BASP1: variants seen among roughly 807,000 people sequenced by gnomAD.
BASP1 encodes brain abundant membrane attached signal protein 1.
BASP1 carries 1 observed loss-of-function variant against 2.2 expected under a neutral mutation model. The ratio of observed to expected loss-of-function variants is 0.46; its 90% confidence interval spans 0.16 to 2.17. The LOEUF is 2.17. Ranked by LOEUF, BASP1 falls within the 30% of genes most tolerant of loss-of-function variation. BASP1 has a pLI of 0.27. For synonymous variants in BASP1, 187 were observed against 154.2 expected (o/e 1.21, Z -1.58); for missense variants, 352 against 327.2 (o/e 1.08, Z -0.58).
rs1165328841 is a variant in BASP1 at position 17,275,158 on chromosome 5, C to T, written c.-9-50C>T. On this transcript the variant is annotated intron_variant, in intron 1 of 1. Transcript: ENST00000322611. This position sits in a 1 kb window ranked among gnomAD's most constrained non-coding sequence, Gnocchi z 5.3. The stretch of plus-strand genomic sequence containing the variant: ...GCAAAATGCAGCTTTTTGTGGTCCC[C>T]ACACTTGCCTAGTAACCGCCGTTTT... The T allele has an allele frequency of 5.0e-6, 8 of 1,589,060 alleles. No individual in the cohort carries two copies. The African/African-American group carries it at 8.1e-5, about 16-fold the overall frequency.
At position 17,275,609 on chromosome 5, in the gene BASP1, G is replaced by C; in HGVS notation, c.393G>C (p.Glu131Asp). 1 of 1,430,932 alleles carries C rather than the reference G, an allele frequency of 7.0e-7. No individual in the cohort carries two copies. The highest frequency in any genetic ancestry group is 9.1e-7 in the Non-Finnish European group (1 of 1,095,564). 88.6% of individuals were successfully genotyped at this position (1,430,932 alleles called of 1,614,324 possible). ...KAAEAAAAPA[E>D]SAAPAAGEEP... ...CTGAGGCCGCCGCGGCCCCGGCCGA[G>C]AGCGCGGCCCCTGCCGCCGGGGAGG... The change falls in exon 2 of 2, where the codon GAG becomes GAC. Residue 131 changes from glutamate to aspartate, a missense_variant. Physicochemically the swap from Glu to Asp is conservative, Grantham distance 45. Coordinates refer to ENST00000322611, the MANE Select transcript of BASP1 (RefSeq NM_006317.5). The surrounding 1 kb of genome is among the most constrained non-coding windows in gnomAD (Gnocchi z 5.3).
intron 1 of BASP1, among the ~76,000 whole-genome samples, chr5:17,250,960 G>A (rs1356403428): frequency 6.6e-6 from 1 of 152,186 alleles, no homozygotes; most frequent in East Asian, 1.9e-4. Context: ...CGATCTACAC[G>A]CTGTTAGATT....
rs1390250264 is a variant in BASP1, at chr5:17,275,408, C to T, written c.192C>T (p.Gly64=). ...GKEKPDQDAE[G]KAEEKEGEKD... is the part of the protein sequence containing the mutation. ...AGAAGCCCGACCAGGACGCCGAGGG[C>T]AAGGCCGAGGAGAAGGAGGGCGAGA... The change falls in exon 2 of 2, where the codon GGC becomes GGT. Residue 64 remains glycine (G), a synonymous_variant. Transcript: ENST00000322611. This position sits in a 1 kb window ranked among gnomAD's most constrained non-coding sequence, Gnocchi z 5.3. 3 of 1,567,028 alleles carry T rather than the reference C, an allele frequency of 1.9e-6. No homozygotes were observed. Among genetic ancestry groups the T allele is most frequent in the Non-Finnish European group, 2.6e-6 (3 of 1,157,982 alleles).
chr5:17,265,390 G>T (rs1459410953), intron 1 of BASP1, among the ~76,000 whole-genome samples: 1 of 152,204 alleles, frequency 6.6e-6, no homozygotes, highest in Non-Finnish European at 1.5e-5. Flanking sequence ...CACAAATGGT[G>T]AGCCTCTGCA....
chr5:17,243,511 C>T (rs1377824345), intron 1 of BASP1, among the ~76,000 whole-genome samples: 2 of 152,150 alleles, frequency 1.3e-5, no homozygotes, highest in Admixed American at 1.3e-4. Flanking sequence ...TTGATGTCTG[C>T]CTCTTGCTAT....
chr5:17,275,596 C>T lies in BASP1; in HGVS notation c.380C>T (p.Ala127Val), dbSNP rs1033095492. ...GEAPKAAEAA[A>V]APAESAAPAA... ...GCCCCCAAAGCTGCTGAGGCCGCCG[C>T]GGCCCCGGCCGAGAGCGCGGCCCCT... Residue 127 changes from alanine to valine, a missense_variant, in exon 2 of 2, where the codon GCG becomes GTG. Transcript: ENST00000322611. The surrounding 1 kb of genome is among the most constrained non-coding windows in gnomAD (Gnocchi z 5.3). The T allele has an allele frequency of 4.3e-6, 6 of 1,411,036 alleles. No homozygotes were observed. The highest frequency in any genetic ancestry group is 1.5e-5 in the African/African-American group (1 of 65,450). 87.4% of individuals were successfully genotyped at this position (1,411,036 alleles called of 1,614,324 possible).
chr5:17,268,795 G>T (rs899913132), intron 1 of BASP1, among the ~76,000 whole-genome samples: 2 of 152,150 alleles, frequency 1.3e-5, no homozygotes, highest in African/African-American at 4.8e-5. Context: ...CTCTCCCAAA[G>T]AAATTTTCAT....
chr5:17,249,336 G>A (rs768997926), intron 1 of BASP1, among the ~76,000 whole-genome samples: 1 of 152,286 alleles, frequency 6.6e-6, no homozygotes, highest in East Asian at 1.9e-4. Context: ...GGGGATGCCT[G>A]TAGCAGCAAG....
intron 1 of BASP1, among the ~76,000 whole-genome samples, chr5:17,245,305 C>G (rs1211084964): frequency 6.2e-5 from 4 of 64,332 alleles, no homozygotes; most frequent in Non-Finnish European, 1.6e-4. Context: ...GAGACTCCGT[C>G]TCAAAAAAAA....
chr5:17,275,801 C>G lies in BASP1; in HGVS notation c.585C>G (p.Ser195=). 6.2e-7 allele frequency: 1 copy of G among 1,612,936 alleles called. No individual in the cohort carries two copies. ...CCGCAGCCACGGAAGCGCCTAGTTC[C>G]ACACCCAAGGCCCAGGGCCCCGCAG... ...ETPAATEAPS[S]TPKAQGPAAS... Residue 195 remains serine (S), a synonymous_variant, in exon 2 of 2, where the codon TCC becomes TCG. Coordinates refer to ENST00000322611, the MANE Select transcript of BASP1 (RefSeq NM_006317.5). This position sits in a 1 kb window ranked among gnomAD's most constrained non-coding sequence, Gnocchi z 5.3.
In BASP1 at chr5:17,273,924, T is replaced by A. The variant is rs1426096144; in HGVS notation, c.-9-1284T>A. On this transcript the variant is annotated intron_variant, in intron 1 of 1. Coordinates refer to ENST00000322611, the MANE Select transcript of BASP1 (RefSeq NM_006317.5). ...AACCATTTTCTTTGCAAAAGCAACA[T>A]TTCAGTGGATTTTCACTGATGTGTG... is the stretch of plus-strand genomic sequence containing the variant. Among the ~76,000 whole-genome samples the A allele has an allele frequency of 3.3e-5, 5 of 152,208 alleles. No individual in the cohort carries two copies. The East Asian group carries it at 9.6e-4, about 29-fold the overall frequency.
intron 1 of BASP1, among the ~76,000 whole-genome samples, chr5:17,265,978 C>T (rs1461554780): frequency 6.6e-6 from 1 of 152,156 alleles, no homozygotes; most frequent in Non-Finnish European, 1.5e-5. Flanking sequence ...CTATTAAGGA[C>T]ATAATAAGTC....
chr5:17,275,838 G>A lies in BASP1; in HGVS notation c.622G>A (p.Glu208Lys). ...CCAGGGCCCCGCAGCCTCTGCAGAA[G>A]AGCCCAAGCCGGTGGAGGCCCCGGC... ...KAQGPAASAE[E>K]PKPVEAPAAN... Residue 208 changes from glutamate to lysine, a missense_variant, in exon 2 of 2, where the codon GAG becomes AAG. Glu to Lys is a moderately conservative substitution (Grantham distance 56). Transcript: ENST00000322611. The surrounding 1 kb of genome is among the most constrained non-coding windows in gnomAD (Gnocchi z 5.3). The A allele has an allele frequency of 6.2e-7, 1 of 1,610,698 alleles. No individual in the cohort carries two copies.
At chr5:17,220,167 A>C (rs1739369555) in intron 1 of BASP1, among the ~76,000 whole-genome samples, 1 of 152,092 alleles carries the variant, frequency 6.6e-6, no homozygotes, top group South Asian at 2.1e-4. Flanking sequence ...AATGGAAATC[A>C]TCTCTTTTGT....
In BASP1 at chr5:17,236,167, ACCTTGGGGG is replaced by A. The variant is rs1739740726; in HGVS notation, c.-10+18358_-10+18366del. Among the ~76,000 whole-genome samples the A allele has an allele frequency of 1.3e-5, 2 of 152,160 alleles. No homozygotes were observed. The highest frequency in any genetic ancestry group is 4.1e-4 in the South Asian group (2 of 4,836). Reference sequence around the variant, plus strand: ...TGCGTTTAGTCTTTAAGACTATTCTACCTTGGGGGAGAAAAGCAAAAATGATTTCTTATT... The same window carrying A: ...TGCGTTTAGTCTTTAAGACTATTCTAAGAAAAGCAAAAATGATTTCTTATT... On this transcript the variant is annotated intron_variant, in intron 1 of 1. Coordinates refer to ENST00000322611, the MANE Select transcript of BASP1 (RefSeq NM_006317.5). This position sits in a 1 kb window ranked among gnomAD's most constrained non-coding sequence, Gnocchi z 4.0.
Position 17,236,029 on chromosome 5 carries a change from C to CT in BASP1, c.-10+18229dup, listed in dbSNP as rs896694475. Among the ~76,000 whole-genome samples, 14 of 149,856 alleles carry CT rather than the reference C, an allele frequency of 9.3e-5. No homozygotes were observed. The highest frequency in any genetic ancestry group is 2.1e-4 in the South Asian group (1 of 4,712). On this transcript the variant is annotated intron_variant, in intron 1 of 1. Transcript: ENST00000322611. The surrounding 1 kb of genome is among the most constrained non-coding windows in gnomAD (Gnocchi z 4.0). ...TTGCAAACTTTCTTAAAACATGAGA[C>CT]TTTTTTTTTTCTTTTTTAGCTCATT...
At chr5:17,266,949 A>T (rs1387185940) in intron 1 of BASP1, among the ~76,000 whole-genome samples, 1 of 152,080 alleles carries the variant, frequency 6.6e-6, no homozygotes, top group Non-Finnish European at 1.5e-5. Context: ...CGTTTTGTTA[A>T]GTGGTTGTAT....
chr5:17,224,095 G>A (rs897411143), intron 1 of BASP1, among the ~76,000 whole-genome samples: 2 of 152,176 alleles, frequency 1.3e-5, no homozygotes, highest in African/African-American at 4.8e-5. Context: ...CAGCTATTTG[G>A]GGTGGATCAA....
At chr5:17,230,674 C>T (rs185445322) in intron 1 of BASP1, among the ~76,000 whole-genome samples, 30 of 152,190 alleles carry the variant, frequency 2.0e-4, no homozygotes, top group Admixed American at 7.8e-4. Context: ...AGCGATTCTC[C>T]TGCCTCAGCC....
Sources: allele counts gnomAD v4.1 joint callset (sites outside exome capture counted in the v4.1 genomes callset), GRCh38; gene constraint gnomAD v4.1.1; non-coding constraint Gnocchi (gnomAD v3.1); transcripts MANE v1.5; gene names NCBI Gene and HGNC (gene_info 2026-07-23, HGNC 2026-07-21).